SFPQ: variants seen among roughly 807,000 people sequenced by gnomAD.
SFPQ encodes the protein splicing factor proline and glutamine rich.
Under a neutral mutation model 72.9 loss-of-function variants are expected in SFPQ, and 11 were observed. That is an observed-to-expected ratio of 0.15 (90% CI 0.09 to 0.25). The LOEUF is 0.25. Ranked by LOEUF, SFPQ falls within the 10% of genes least tolerant of loss-of-function variation. The pLI, the probability that SFPQ is intolerant of heterozygous loss-of-function variation, is 1.00. For missense variants in SFPQ, 847 were observed against 993.3 expected (o/e 0.85, Z 1.98); for synonymous variants, 506 against 367.3 (o/e 1.38, Z -4.32).
rs200747734 is a variant in SFPQ at position 35,188,011 on chromosome 1, T to G, written c.1777A>C (p.Arg593=). The G allele has an allele frequency of 6.8e-6, 11 of 1,614,180 alleles. No homozygotes were observed. The African/African-American group carries it at 1.3e-4, about 20-fold the overall frequency. The change falls in exon 7 of 10, where the codon AGA becomes CGA. Residue 593 remains arginine, a synonymous_variant. Coordinates refer to ENST00000357214, the MANE Select transcript of SFPQ (RefSeq NM_005066.3). The part of the protein sequence containing the change: ...REMEEQMRRQ[R]EESYSRMGYM... Reference sequence around the variant, plus strand: ...CCCATTCGGCTGTAACTTTCCTCTCTTTGGCGCCTCATTTGTTCTTCCATC... The same window carrying G: ...CCCATTCGGCTGTAACTTTCCTCTCGTTGGCGCCTCATTTGTTCTTCCATC...
chr1:35,183,819 C>G lies in SFPQ; in HGVS notation c.*637G>C. The G allele has an allele frequency of 9.5e-7, 1 of 1,055,916 alleles. No homozygotes were observed. The highest frequency in any genetic ancestry group is 5.3e-5 in the East Asian group (1 of 18,854). 65.4% of individuals were successfully genotyped at this position (1,055,916 alleles called of 1,614,324 possible). A position where few individuals can be genotyped will look rare whatever the true frequency, so the allele number is the denominator to read the frequency against. ...CCTACCAATTGTCTTACACCCATTC[C>G]ACAATCTTAATACATATTCCTGAAG... On this transcript the variant is annotated 3_prime_UTR_variant, in exon 10 of 10. Coordinates refer to ENST00000357214, the MANE Select transcript of SFPQ (RefSeq NM_005066.3).
intron 6 of SFPQ, among the ~76,000 whole-genome samples, 174 bp downstream of exon 6, chr1:35,188,829 C>T (rs1639855386): frequency 6.6e-6 from 1 of 152,122 alleles, no homozygotes; most frequent in South Asian, 2.1e-4. Context: ...GGTGTCGTGG[C>T]GCATGCCTGT....
chr1:35,189,876 G>C (rs1041595635), intron 4 of SFPQ, among the ~76,000 whole-genome samples: 8 of 151,970 alleles, frequency 5.3e-5, no homozygotes, highest in African/African-American at 1.9e-4. Context: ...ACTTGAACCC[G>C]GGAGGCAAAG....
At position 35,192,690 on chromosome 1, in the gene SFPQ, T is replaced by G. The variant is rs1640089586; in HGVS notation, c.360A>C (p.Gly120=). 1.4e-6 allele frequency: 2 copies of G among 1,435,582 alleles called. No homozygotes were observed. The highest frequency in any genetic ancestry group is 3.0e-5 in the African/African-American group (2 of 67,374). The allele number at this position is 1,435,582 out of a possible 1,614,324, so 88.9% of individuals were successfully genotyped here. The change falls in exon 1 of 10, where the codon GGA becomes GGC. Residue 120 remains glycine (G), a synonymous_variant. Transcript: ENST00000357214. The part of the protein sequence containing the change: ...VVAQGPGPAP[G]VGSAPPASSS... ...TGGAGGCTGGTGGTGCGCTGCCTAC[T>G]CCGGGAGCGGGGCCGGGTCCCTGAG...
intron 1 of SFPQ, 141 bp downstream of exon 1, chr1:35,192,081 A>C: frequency 3.6e-6 from 2 of 548,630 alleles, no homozygotes. Context: ...ACGGCCCCGC[A>C]GGCCGCCCCG....
rs1167659749 is a variant in SFPQ, at chr1:35,187,042, G to A, written c.1945C>T (p.Pro649Ser). The A allele has an allele frequency of 6.2e-7, 1 of 1,614,020 alleles. No homozygotes were observed. Among genetic ancestry groups the A allele is most frequent in the Non-Finnish European group, 8.5e-7 (1 of 1,179,936 alleles). ...ATGGAACCACTCATGGTTGCTGGTG[G>A]AACGCCAGGATTAGCTTCATAACCT... The part of the protein sequence containing the change: ...GIGYEANPGV[P>S]PATMSGSMMG... Residue 649 changes from proline to serine, a missense_variant, in exon 9 of 10, where the codon CCA (proline) becomes TCA (serine). By Grantham distance (74) the Pro-to-Ser change is moderately conservative. Transcript: ENST00000357214.
chr1:35,182,030 C>T (rs956800487), downstream of SFPQ: 4 of 985,250 alleles, frequency 4.1e-6, no homozygotes, highest in Admixed American at 6.1e-5. Context: ...TCCTTCACCA[C>T]TCTTCAAAGG....
Position 35,193,137 on chromosome 1 carries a change from GAC to G in SFPQ, c.-90_-89del, listed in dbSNP as rs1640128316. ...CCTTGCTTCTCACAAAATGGCGGAT[GAC>G]ACAGGCGGCGCGCCGCCTTTGTCCT... On this transcript the variant is annotated 5_prime_UTR_variant, in exon 1 of 10. Transcript: ENST00000357214. The G allele has an allele frequency of 1.2e-5, 18 of 1,475,866 alleles. No homozygotes were observed. Among genetic ancestry groups the G allele is most frequent in the Admixed American group, 1.2e-4 (5 of 42,024 alleles). The allele number at this position is 1,475,866 out of a possible 1,614,324, so 91.4% of individuals were successfully genotyped here.
intron 1 of SFPQ, among the ~76,000 whole-genome samples, chr1:35,191,986 G>C (rs1036248386): frequency 6.6e-6 from 1 of 152,038 alleles, no homozygotes; most frequent in Non-Finnish European, 1.5e-5. Context: ...CCGCGGCCCC[G>C]CGCTTCCTTC....
chr1:35,188,035 T>G lies in SFPQ; in HGVS notation c.1753A>C (p.Met585Leu). The G allele has an allele frequency of 6.2e-7, 1 of 1,614,186 alleles. No individual in the cohort carries two copies. The highest frequency in any genetic ancestry group is 8.5e-7 in the Non-Finnish European group (1 of 1,180,020). The change falls in exon 7 of 10, where the codon ATG becomes CTG. Residue 585 changes from methionine (M) to leucine (L), a missense_variant. Met to Leu is a conservative substitution (Grantham distance 15). This residue lies in a region of SFPQ where 154 missense variants were observed against 186.0 expected (regional missense o/e 0.83). Coordinates refer to ENST00000357214, the MANE Select transcript of SFPQ (RefSeq NM_005066.3). ...EEEMMIRQREMEEQMRRQREE... is the reference protein window; with the variant it reads ...EEEMMIRQRELEEQMRRQREE... ...CTTTGGCGCCTCATTTGTTCTTCCA[T>G]CTCACGTTGACGAATCATCATCTCT...
At chr1:35,176,903 T>A (rs1639268050) in intron 5 of SFPQ, among the ~76,000 whole-genome samples, 1 of 147,970 alleles carries the variant, frequency 6.8e-6, no homozygotes, top group Non-Finnish European at 1.5e-5. Context: ...TTTTAATGAA[T>A]GAAAGAACAT....
downstream of SFPQ, chr1:35,178,840 A>G (rs993897187): frequency 1.6e-5 from 17 of 1,049,360 alleles, no homozygotes; most frequent in Non-Finnish European, 1.8e-5. Context: ...TCTTCCCCCC[A>G]TTCTCCACAT....
At chr1:35,180,872 A>C (rs1252034530), downstream of SFPQ, 2 of 985,424 alleles carry the variant, frequency 2.0e-6, no homozygotes, top group Non-Finnish European at 2.4e-6. Flanking sequence ...TTACAATGCA[A>C]CTAAAGGAAA....
chr1:35,186,133 T>A (rs961638784), intron 9 of SFPQ, among the ~76,000 whole-genome samples: 7 of 152,202 alleles, frequency 4.6e-5, no homozygotes, highest in African/African-American at 1.7e-4. Context: ...ATGTTTCTAT[T>A]TATAAAATGA....
In SFPQ at chr1:35,176,873, CAAAAAA is replaced by C. The variant is rs10604866; in HGVS notation, c.*106-408_*106-403del. 5.5e-5 allele frequency among the ~76,000 whole-genome samples: 5 copies of C among 91,648 alleles called. No homozygotes were observed. In the East Asian group the frequency reaches 1.2e-3, roughly 21 times the overall value. 60.1% of individuals were successfully genotyped at this position (91,648 alleles called of 152,430 possible). On this transcript the variant is annotated intron_variant and NMD_transcript_variant, in intron 5 of 5. Coordinates refer to the SFPQ transcript ENST00000460428. ...TGGGCGACAGAGCAAGACTCCGTCTCAAAAAAAAAAAAAAAAATCTTTTAATGAATG... is the reference window on the plus strand; with the variant it reads ...TGGGCGACAGAGCAAGACTCCGTCTCAAAAAAAAAAATCTTTTAATGAATG...
chr1:35,185,640 ACTAAAAG>A (rs1639674911), intron 9 of SFPQ, among the ~76,000 whole-genome samples: 1 of 152,198 alleles, frequency 6.6e-6, no homozygotes, highest in Non-Finnish European at 1.5e-5. Flanking sequence ...CAAATAAAAA[ACTAAAAG>A]GGCATCAGGG....
Position 35,191,008 on chromosome 1 carries a change from G to C in SFPQ, c.1018-13C>G. The C allele has an allele frequency of 6.2e-7, 1 of 1,607,224 alleles. No individual in the cohort carries two copies. Among genetic ancestry groups the C allele is most frequent in the African/African-American group, 1.3e-5 (1 of 74,670 alleles). On this transcript the variant is annotated splice_polypyrimidine_tract_variant and intron_variant, in intron 2 of 9. Transcript: ENST00000357214. ...AAGCTCTAGATTCCTGTGTATCAGA[G>C]ACACTCATGTTAATGACCTCAAAAT... is the stretch of plus-strand genomic sequence containing the variant.
Position 35,192,335 on chromosome 1 carries a change from C to A in SFPQ, c.715G>T (p.Gly239Trp). Reference protein sequence around the residue: ...GHPKPPHRGGGEPRGGRQHHP... With the variant: ...GHPKPPHRGGWEPRGGRQHHP... ...TGCTGGCGGCCCCCGCGGGGCTCCC[C>A]GCCGCCTCGATGCGGCGGCTTGGGG... The change falls in exon 1 of 10, where the codon GGG (glycine) becomes TGG (tryptophan). Residue 239 changes from glycine to tryptophan, a missense_variant. Physicochemically the swap from Gly to Trp is radical, Grantham distance 184. Around this residue, in one of 6 missense-constraint regions of SFPQ, gnomAD observed 498 missense variants for 405.1 expected, o/e 1.23. Coordinates refer to ENST00000357214, the MANE Select transcript of SFPQ (RefSeq NM_005066.3). 1 of 1,407,048 alleles carries A rather than the reference C, an allele frequency of 7.1e-7. No homozygotes were observed. Among genetic ancestry groups the A allele is most frequent in the Non-Finnish European group, 9.1e-7 (1 of 1,094,284 alleles). The allele number at this position is 1,407,048 out of a possible 1,614,324, so 87.2% of individuals were successfully genotyped here.
intron 5 of SFPQ, among the ~76,000 whole-genome samples, chr1:35,176,638 G>GAA (rs542784275): frequency 6.6e-6 from 1 of 152,094 alleles, no homozygotes; most frequent in Admixed American, 6.6e-5. Context: ...GGGAGGCCAA[G>GAA]GAGGGCGGAT....
Sources: gnomAD v4.1 joint callset for allele counts (sites outside exome capture counted in the v4.1 genomes callset) on GRCh38, gnomAD v4.1.1 for gene constraint, gnomAD v4.1.1 regional missense constraint, MANE v1.5 for transcripts, NCBI Gene and HGNC (gene_info 2026-07-23, HGNC 2026-07-21) for gene names.